Variants in PIK3C3 observed in about 807,000 individuals in gnomAD.
PIK3C3 encodes the protein phosphatidylinositol 3-kinase catalytic subunit type 3, also known as PI3-kinase type 3.
Under a neutral mutation model 126.1 loss-of-function variants are expected in PIK3C3, and 95 were observed. The ratio of observed to expected loss-of-function variants is 0.75; its 90% CI spans 0.64 to 0.89. PIK3C3 has a LOEUF of 0.89. PIK3C3 is among the 40% of genes least tolerant of loss of function. The pLI is 0.00. For synonymous variants in PIK3C3, 374 were observed against 360.0 expected (o/e 1.04, Z -0.44); for missense variants, 829 against 1,063.2 (o/e 0.78, Z 3.06).
intron 2 of PIK3C3, 97 bp downstream of exon 2, chr18:41,957,855 T>TTC (rs1253626396): frequency 1.1e-6 from 1 of 871,852 alleles, no homozygotes; most frequent in African/African-American, 1.7e-5. Flanking sequence ...GAGGAATTTC[T>TTC]TAATACCTAT....
chr18:42,041,538 A>G (rs986502304), intron 19 of PIK3C3, among the ~76,000 whole-genome samples: 1 of 148,418 alleles, frequency 6.7e-6, no homozygotes, highest in Non-Finnish European at 1.5e-5. Flanking sequence ...ATAACATGTT[A>G]ATGGTTTATT....
rs562178088 is a variant in PIK3C3 at position 42,037,530 on chromosome 18, C to G, written c.1840-162C>G. 2.4e-4 allele frequency among the ~76,000 whole-genome samples: 36 copies of G among 152,326 alleles called. No homozygotes were observed. The South Asian group carries it at 7.3e-3, about 31-fold the overall frequency. ...TCTGACTACTAGCTAGTTCACTGTT[C>G]TTTCCAGTATACCCTAATGTATCTC... On this transcript the variant is annotated intron_variant, in intron 16 of 24. Coordinates refer to ENST00000262039, the MANE Select transcript of PIK3C3 (RefSeq NM_002647.4).
At chr18:42,054,163 T>TAG (rs1984945729) in intron 21 of PIK3C3, among the ~76,000 whole-genome samples, 1 of 43,376 alleles carries the variant, frequency 2.3e-5, no homozygotes, top group Admixed American at 1.9e-4. Flanking sequence ...TATATATATA[T>TAG]ATATATATAT....
intron 3 of PIK3C3, among the ~76,000 whole-genome samples, chr18:41,965,203 G>GT (rs1449412699): frequency 6.6e-6 from 1 of 152,132 alleles, no homozygotes; most frequent in Non-Finnish European, 1.5e-5. Flanking sequence ...ATTCCTCTTG[G>GT]TTTTTCCTCC....
intron 3 of PIK3C3, 116 bp from the exon 4 acceptor site, chr18:41,970,211 G>C: frequency 1.2e-6 from 1 of 812,140 alleles, no homozygotes; most frequent in African/African-American, 1.7e-5. Flanking sequence ...CTTAAAGCTT[G>C]GCAGTGGAGA....
chr18:42,064,384 CAGAT>C (rs886549468), intron 22 of PIK3C3, among the ~76,000 whole-genome samples: 29 of 152,224 alleles, frequency 1.9e-4, no homozygotes, highest in African/African-American at 6.7e-4. Flanking sequence ...CTAGCAAAAA[CAGAT>C]AGATTTTAAT....
At chr18:41,970,488 C>A (rs757272467) in intron 4 of PIK3C3, 32 bp downstream of exon 4, 1 of 1,601,414 alleles carries the variant, frequency 6.2e-7, no homozygotes, top group South Asian at 1.1e-5. Context: ...AGGTGCAAAG[C>A]TCTGACTGAT....
intron 22 of PIK3C3, among the ~76,000 whole-genome samples, chr18:42,058,314 C>G (rs1985163835): frequency 6.6e-6 from 1 of 152,124 alleles, no homozygotes. Context: ...TAAGATGAAG[C>G]AAACATGGAG....
At chr18:42,039,594 A>G (rs959103701) in intron 18 of PIK3C3, among the ~76,000 whole-genome samples, 1 of 152,162 alleles carries the variant, frequency 6.6e-6, no homozygotes, top group African/African-American at 2.4e-5. Context: ...TATCTAATGC[A>G]TTGTGCTCTA....
chr18:41,986,268 T>G (rs1981472560), intron 4 of PIK3C3, among the ~76,000 whole-genome samples: 1 of 152,176 alleles, frequency 6.6e-6, no homozygotes, highest in South Asian at 2.1e-4. Context: ...TATTTTTTTC[T>G]CCATTCCTAT....
chr18:41,996,570 A>T, intron 8 of PIK3C3, 68 bp from the exon 9 acceptor site: 1 of 662,688 alleles, frequency 1.5e-6, no homozygotes, highest in Non-Finnish European at 2.5e-6. Flanking sequence ...GAAAAATATT[A>T]AGTGAAATGG....
chr18:42,046,927 A>G (rs1219725110), intron 20 of PIK3C3, among the ~76,000 whole-genome samples: 1 of 152,184 alleles, frequency 6.6e-6, no homozygotes, highest in Non-Finnish European at 1.5e-5. Context: ...ATTTATGACC[A>G]TAATCCACTG....
intron 22 of PIK3C3, among the ~76,000 whole-genome samples, chr18:42,063,325 G>C (rs1985400471): frequency 6.6e-6 from 1 of 151,928 alleles, no homozygotes; most frequent in Non-Finnish European, 1.5e-5. Flanking sequence ...CTGTCTGTCT[G>C]TATCCCTAGT....
At chr18:41,968,744 C>T (rs1980499315) in intron 3 of PIK3C3, among the ~76,000 whole-genome samples, 1 of 151,852 alleles carries the variant, frequency 6.6e-6, no homozygotes, top group African/African-American at 2.4e-5. Context: ...TTTTTATTAG[C>T]CAGAACATTA....
At chr18:42,051,324 C>G (rs2144493250) in intron 21 of PIK3C3, 1 of 152,302 alleles carries the variant, frequency 6.6e-6, no homozygotes, top group South Asian at 2.1e-4. Context: ...ATGAACCTGT[C>G]TGGGCTAAAT....
intron 21 of PIK3C3, among the ~76,000 whole-genome samples, chr18:42,054,146 A>C (rs1278645369): frequency 0.036 from 647 of 18,190 alleles, 43 homozygotes; most frequent in South Asian, 0.15. Context: ...ATATATATAT[A>C]TATATATATA....
chr18:42,076,456 A>T (rs1229227710), intron 24 of PIK3C3, among the ~76,000 whole-genome samples: 10 of 152,078 alleles, frequency 6.6e-5, no homozygotes, highest in African/African-American at 2.4e-4. Flanking sequence ...GGAGCTGTTA[A>T]TCCAAGATAA....
chr18:42,028,108 G>A (rs1269569792), intron 14 of PIK3C3, among the ~76,000 whole-genome samples: 1 of 152,126 alleles, frequency 6.6e-6, no homozygotes, highest in Non-Finnish European at 1.5e-5. Context: ...GTACTCAATA[G>A]GAGTTTAATA....
intron 6 of PIK3C3, among the ~76,000 whole-genome samples, chr18:41,991,087 T>G (rs1408138667): frequency 6.6e-6 from 1 of 152,172 alleles, no homozygotes; most frequent in Non-Finnish European, 1.5e-5. Context: ...AGTTATAGAT[T>G]TGCTTTGTTC....
Sources: gnomAD v4.1 joint callset for allele counts (sites outside exome capture counted in the v4.1 genomes callset) on GRCh38, gnomAD v4.1.1 for gene constraint, MANE v1.5 for transcripts, NCBI Gene and HGNC (gene_info 2026-07-23, HGNC 2026-07-21) for gene names.